PTPN13: variants seen among roughly 807,000 people sequenced by gnomAD.
PTPN13 encodes tyrosine-protein phosphatase non-receptor type 13.
PTPN13 carries 191 observed loss-of-function variants against 284.0 expected under a neutral mutation model. That is an observed-to-expected ratio of 0.67 (90% CI 0.60 to 0.76). The LOEUF (loss-of-function observed/expected upper bound fraction) is 0.76, where lower values mean the gene tolerates loss of function less well. Ranked by LOEUF, PTPN13 falls within the 30% of genes least tolerant of loss-of-function variation. The pLI is 0.00. For missense variants in PTPN13, 2,797 were observed against 2,939.9 expected (o/e 0.95, Z 1.12); for synonymous variants, 986 against 1,022.3 (o/e 0.96, Z 0.68).
chr4:86,700,728 G>A (rs1731066780), intron 6 of PTPN13, among the ~76,000 whole-genome samples: 2 of 152,026 alleles, frequency 1.3e-5, no homozygotes, highest in African/African-American at 2.4e-5. Flanking sequence ...TTAAGAATTC[G>A]AAATGCTACA....
At chr4:86,726,989 C>CTG (rs1734343527) in intron 10 of PTPN13, among the ~76,000 whole-genome samples, 1 of 149,438 alleles carries the variant, frequency 6.7e-6, no homozygotes, top group African/African-American at 2.4e-5. Flanking sequence ...TAAGTTCCAC[C>CTG]AATACCTAGT....
chr4:86,806,209 A>G (rs1744641591), intron 44 of PTPN13, among the ~76,000 whole-genome samples: 1 of 152,084 alleles, frequency 6.6e-6, no homozygotes, highest in South Asian at 2.1e-4. Context: ...CATGTATAAA[A>G]ATCACATGTA....
chr4:86,774,844 C>T (rs1282469443), intron 33 of PTPN13, among the ~76,000 whole-genome samples: 1 of 151,672 alleles, frequency 6.6e-6, no homozygotes, highest in East Asian at 1.9e-4. Context: ...TTTGAAAGTC[C>T]CTTTAATCTC....
Position 86,763,183 on chromosome 4 carries a change from C to A in PTPN13, c.4010C>A (p.Pro1337Gln). ...TCCAGCAGTCAGGATCATCAAACAC[C>A]AAAACAGGCATAGTTTAATTTTAAT... ...TYSSSQDHQT[P>Q]KQESSSSVNT... The change falls in exon 24 of 48, where the codon CCA (proline) becomes CAA (glutamine). Residue 1337 changes from proline (P) to glutamine (Q), a missense_variant. Pro to Gln is a moderately conservative substitution (Grantham distance 76). Coordinates refer to ENST00000411767, the MANE Select transcript of PTPN13 (RefSeq NM_080683.3). 6.2e-7 allele frequency: 1 copy of A among 1,605,684 alleles called. No individual in the cohort carries two copies. Among genetic ancestry groups the A allele is most frequent in the South Asian group, 1.1e-5 (1 of 90,576 alleles).
At chr4:86,657,443 A>G (rs1725983426) in intron 2 of PTPN13, among the ~76,000 whole-genome samples, 1 of 152,234 alleles carries the variant, frequency 6.6e-6, no homozygotes, top group Non-Finnish European at 1.5e-5. Context: ...TCCCTAGGTT[A>G]GCAGGCAAAG....
chr4:86,717,074 G>A lies in PTPN13; in HGVS notation c.1342G>A (p.Gly448Arg). 2 of 1,613,206 alleles carry A rather than the reference G, an allele frequency of 1.2e-6. No homozygotes were observed. The highest frequency in any genetic ancestry group is 1.7e-6 in the Non-Finnish European group (2 of 1,179,618). ...KRFESSSGLP[G>R]VDETLSQGQS... ...GTTTGAATCCAGCAGTGGTCTCCCA[G>A]GGGTAGATGAAACCTTAAGTCAAGG... Residue 448 changes from glycine to arginine, a missense_variant, in exon 9 of 48, where the codon GGG becomes AGG. Physicochemically the swap from Gly to Arg is moderately radical, Grantham distance 125 (BLOSUM62 -2). Transcript: ENST00000411767.
intron 2 of PTPN13, among the ~76,000 whole-genome samples, chr4:86,643,350 C>T (rs1398154710): frequency 6.6e-6 from 1 of 152,062 alleles, no homozygotes; most frequent in African/African-American, 2.4e-5. Context: ...AAATTTGGAT[C>T]AGATTGTAGA....
At chr4:86,799,051 T>G in intron 41 of PTPN13, 50 bp from the exon 42 acceptor site, 2 of 1,143,022 alleles carry the variant, frequency 1.7e-6, no homozygotes, top group Non-Finnish European at 2.5e-6. Flanking sequence ...CCATGTTTAA[T>G]TTGAGTACAA....
chr4:86,758,855 A>G, intron 22 of PTPN13, 70 bp downstream of exon 22: 1 of 1,583,256 alleles, frequency 6.3e-7, no homozygotes, highest in Non-Finnish European at 8.6e-7. Context: ...AGGCCAAACT[A>G]AAATAATTGA....
chr4:86,656,023 G>C (rs916656875), intron 2 of PTPN13, among the ~76,000 whole-genome samples: 18 of 152,090 alleles, frequency 1.2e-4, no homozygotes, highest in Non-Finnish European at 2.5e-4. Context: ...CTTTCTTCCA[G>C]TTGATCTAAT....
In PTPN13 at chr4:86,800,077, A is replaced by G. The variant is rs539096326; in HGVS notation, c.6505+873A>G. Among the ~76,000 whole-genome samples, 4 of 151,882 alleles carry G rather than the reference A, an allele frequency of 2.6e-5. No individual in the cohort carries two copies. The South Asian group carries it at 6.2e-4, about 24-fold the overall frequency. ...GGTTTCTAACTCCTGAGCTCAGGCA[A>G]TCCACCCACCTCGGCCTCCCAAAGT... On this transcript the variant is annotated intron_variant, in intron 42 of 47. Transcript: ENST00000411767.
chr4:86,681,614 G>GT (rs1218425604), intron 3 of PTPN13, among the ~76,000 whole-genome samples: 1 of 152,140 alleles, frequency 6.6e-6, no homozygotes, highest in East Asian at 1.9e-4. Flanking sequence ...CCTTCCCTCT[G>GT]TAAGATTGAA....
chr4:86,617,721 C>A (rs938896654), intron 1 of PTPN13, among the ~76,000 whole-genome samples: 3 of 152,114 alleles, frequency 2.0e-5, no homozygotes, highest in Admixed American at 6.5e-5. Flanking sequence ...TGGCTGCATA[C>A]ATGTCTTCTT....
At chr4:86,713,095 T>G (rs1315106686) in intron 7 of PTPN13, among the ~76,000 whole-genome samples, 1 of 152,158 alleles carries the variant, frequency 6.6e-6, no homozygotes, top group African/African-American at 2.4e-5. Context: ...AACATCCAAG[T>G]GACTAAAAGT....
intron 3 of PTPN13, among the ~76,000 whole-genome samples, chr4:86,677,215 G>A (rs559863975): frequency 2.2e-4 from 33 of 151,884 alleles, no homozygotes; most frequent in African/African-American, 6.0e-4. Context: ...TGCAGTGAGC[G>A]GAGATCGCGC....
intron 7 of PTPN13, among the ~76,000 whole-genome samples, chr4:86,706,186 G>A (rs1197275667): frequency 2.0e-5 from 3 of 152,122 alleles, no homozygotes. Context: ...AGACTAGTTT[G>A]CCAAAGGAGA....
At chr4:86,664,637 T>G (rs1726861251) in intron 2 of PTPN13, among the ~76,000 whole-genome samples, 1 of 152,218 alleles carries the variant, frequency 6.6e-6, no homozygotes. Context: ...AAAACAGAGT[T>G]ACAAAAACTT....
At chr4:86,772,325 A>T (rs894819297) in intron 31 of PTPN13, among the ~76,000 whole-genome samples, 1 of 152,168 alleles carries the variant, frequency 6.6e-6, no homozygotes, top group Non-Finnish European at 1.5e-5. Context: ...AGGCCAAGGC[A>T]GGTAGATTGC....
chr4:86,612,918 T>C (rs1189961212), intron 1 of PTPN13, among the ~76,000 whole-genome samples: 3 of 152,206 alleles, frequency 2.0e-5, no homozygotes, highest in East Asian at 3.9e-4. Context: ...TCCCCAGATA[T>C]ACAGTAGCTG....
Sources: allele counts gnomAD v4.1 joint callset (sites outside exome capture counted in the v4.1 genomes callset), GRCh38; gene constraint gnomAD v4.1.1; transcripts MANE v1.5; gene names NCBI Gene and HGNC (gene_info 2026-07-23, HGNC 2026-07-21).